C11orf65: variants seen among roughly 807,000 people sequenced by gnomAD.
C11orf65 encodes the protein protein MFI.
C11orf65 carries 38 observed loss-of-function variants against 35.3 expected under a neutral mutation model. The observed-to-expected ratio is 1.08, with a 90% CI of 0.83 to 1.41. The LOEUF (loss-of-function observed/expected upper bound fraction) is 1.41, where lower values mean the gene tolerates loss of function less well. C11orf65 is among the 40% of genes most tolerant of loss of function. The pLI is 0.00. For synonymous variants in C11orf65, 105 were observed against 114.4 expected (o/e 0.92, Z 0.53); for missense variants, 370 against 367.1 (o/e 1.01, Z -0.06).
At chr11:108,436,853 G>T (rs2093067093) in intron 2 of C11orf65, among the ~76,000 whole-genome samples, 1 of 152,030 alleles carries the variant, frequency 6.6e-6, no homozygotes, top group African/African-American at 2.4e-5. Flanking sequence ...CCAATAACAT[G>T]CCAGTCCAGA....
intron 6 of C11orf65, chr11:108,321,532 T>G: frequency 6.7e-7 from 1 of 1,490,272 alleles, no homozygotes; most frequent in Non-Finnish European, 9.2e-7. Context: ...CCTGTAATCC[T>G]AGCACTTTAG....
At chr11:108,406,713 A>G (rs756906307) in intron 5 of C11orf65, 50 bp downstream of exon 5, 1 of 1,158,878 alleles carries the variant, frequency 8.6e-7, no homozygotes, top group Non-Finnish European at 1.2e-6. Context: ...GAAAAGACAA[A>G]TGGGTTTCTA....
At chr11:108,404,475 T>C (rs969765566) in intron 6 of C11orf65, among the ~76,000 whole-genome samples, 1 of 152,118 alleles carries the variant, frequency 6.6e-6, no homozygotes, top group African/African-American at 2.4e-5. Flanking sequence ...TGGTGCGATC[T>C]CTGCTCACTG....
At chr11:108,417,994 T>C (rs115612503) in intron 3 of C11orf65, among the ~76,000 whole-genome samples, 1,735 of 150,204 alleles carry the variant, frequency 0.012, 36 homozygotes, top group African/African-American at 0.04. Flanking sequence ...ACAGTTGGTG[T>C]GGTTGTATTA....
intron 6 of C11orf65, among the ~76,000 whole-genome samples, chr11:108,396,148 A>C (rs1166312020): frequency 6.6e-6 from 1 of 152,142 alleles, no homozygotes; most frequent in Non-Finnish European, 1.5e-5. Flanking sequence ...GCTGGAGTGC[A>C]GTGGCACGAT....
At position 108,393,226 on chromosome 11, in the gene C11orf65, T is replaced by C. The variant is rs1281122962; in HGVS notation, c.713A>G (p.Asn238Ser). Residue 238 changes from asparagine to serine, a missense_variant, in exon 7 of 9, where the codon AAT (asparagine) becomes AGT (serine). By Grantham distance (46) the Asn-to-Ser change is conservative. Transcript: ENST00000393084. The stretch of plus-strand genomic sequence containing the variant: ...TACTTACTCATCAAAGTTCAGTGTA[T>C]TTGTCCAGTTCAGCACTTCATCCAC... Reference protein sequence around the residue: ...WEVDEVLNWTNTLNFDEYIAS... With the variant: ...WEVDEVLNWTSTLNFDEYIAS... 16 of 1,613,972 alleles carry C rather than the reference T, an allele frequency of 9.9e-6. No individual in the cohort carries two copies. Among genetic ancestry groups the C allele is most frequent in the Non-Finnish European group, 1.4e-5 (16 of 1,179,932 alleles).
chr11:108,437,584 G>A (rs1195504935), intron 2 of C11orf65, among the ~76,000 whole-genome samples: 1 of 150,990 alleles, frequency 6.6e-6, no homozygotes, highest in Non-Finnish European at 1.5e-5. Context: ...CATGTCTGTA[G>A]TCCCAGCTAC....
At chr11:108,446,683 A>T (rs971353784) in intron 2 of C11orf65, among the ~76,000 whole-genome samples, 7 of 152,216 alleles carry the variant, frequency 4.6e-5, no homozygotes, top group African/African-American at 7.2e-5. Flanking sequence ...AAATCATGCC[A>T]AAATGTAAAG....
At chr11:108,331,235 A>G (rs2086201761), downstream of C11orf65, 1 of 1,267,184 alleles carries the variant, frequency 7.9e-7, no homozygotes, top group African/African-American at 1.5e-5. Context: ...AGGACCAAAT[A>G]TTTTGATTTA....
intron 2 of C11orf65, among the ~76,000 whole-genome samples, chr11:108,363,681 C>T (rs2137802394): frequency 6.6e-6 from 1 of 152,316 alleles, no homozygotes; most frequent in African/African-American, 2.4e-5. Flanking sequence ...CTGAGAAACC[C>T]TGCTCTAGCT....
At chr11:108,327,831 A>G (rs914974397), downstream of C11orf65, 5 of 1,141,100 alleles carry the variant, frequency 4.4e-6, no homozygotes, top group African/African-American at 3.1e-5. Context: ...CAAGATCAAT[A>G]TATTTCCAAA....
At chr11:108,333,851 G>T in intron 3 of C11orf65, 1 of 1,512,974 alleles carries the variant, frequency 6.6e-7, no homozygotes. Flanking sequence ...CTGTTCCTCA[G>T]TTTGTCACTA....
At chr11:108,395,281 A>C (rs112666410) in intron 6 of C11orf65, among the ~76,000 whole-genome samples, 3,979 of 152,010 alleles carry the variant, frequency 0.026, 183 homozygotes, top group African/African-American at 0.091. Flanking sequence ...CCTTGAATCC[A>C]GGAGTTCAAG....
At chr11:108,451,679 A>G (rs1323006131) in intron 2 of C11orf65, among the ~76,000 whole-genome samples, 1 of 152,202 alleles carries the variant, frequency 6.6e-6, no homozygotes, top group African/African-American at 2.4e-5. Flanking sequence ...TGGAACCAAA[A>G]AAGAGCCTGC....
intron 2 of C11orf65, among the ~76,000 whole-genome samples, chr11:108,374,723 A>G (rs1457245426): frequency 6.6e-6 from 1 of 152,200 alleles, no homozygotes; most frequent in Non-Finnish European, 1.5e-5. Context: ...AAAGGCAAAG[A>G]AGTTGAAAAC....
At chr11:108,375,433 G>A (rs1161156533) in intron 2 of C11orf65, among the ~76,000 whole-genome samples, 2 of 150,552 alleles carry the variant, frequency 1.3e-5, no homozygotes, top group Admixed American at 6.7e-5. Context: ...ACAAGCAAAT[G>A]CTGAGAGATT....
chr11:108,324,730 C>A (rs1482095416), intron 6 of C11orf65, among the ~76,000 whole-genome samples: 1 of 152,166 alleles, frequency 6.6e-6, no homozygotes, highest in Non-Finnish European at 1.5e-5. Flanking sequence ...GGTAGTATTT[C>A]ATAGTTCAGT....
chr11:108,338,076 T>C (rs1283441812), intron 2 of C11orf65, among the ~76,000 whole-genome samples: 1 of 152,252 alleles, frequency 6.6e-6, no homozygotes, highest in Non-Finnish European at 1.5e-5. Context: ...TAGCCGGGCA[T>C]GGTGGCCCAC....
At chr11:108,388,432 A>C (rs2092067273) in intron 7 of C11orf65, among the ~76,000 whole-genome samples, 1 of 152,214 alleles carries the variant, frequency 6.6e-6, no homozygotes, top group South Asian at 2.1e-4. Context: ...TTTAGATAAT[A>C]GTTATCAAGT....
Sources: gnomAD v4.1 joint callset for allele counts (sites outside exome capture counted in the v4.1 genomes callset) on GRCh38, gnomAD v4.1.1 for gene constraint, MANE v1.5 for transcripts, NCBI Gene and HGNC (gene_info 2026-07-23, HGNC 2026-07-21) for gene names.